SLC25A26: variants seen among roughly 807,000 people sequenced by gnomAD.
The protein encoded by SLC25A26 is mitochondrial S-adenosylmethionine carrier protein.
Under a neutral mutation model 37.8 loss-of-function variants are expected in SLC25A26, and 36 were observed. The ratio of observed to expected loss-of-function variants is 0.95; its 90% confidence interval spans 0.73 to 1.26. The LOEUF is 1.26. Ranked by LOEUF, SLC25A26 falls within the 50% of genes most tolerant of loss-of-function variation. The pLI is 0.00. For synonymous variants in SLC25A26, 129 were observed against 122.5 expected (o/e 1.05, Z -0.35); for missense variants, 390 against 331.1 (o/e 1.18, Z -1.38).
intron 7 of SLC25A26, among the ~76,000 whole-genome samples, chr3:66,367,076 G>T (rs1161069440): frequency 6.6e-6 from 1 of 152,308 alleles, no homozygotes; most frequent in Non-Finnish European, 1.5e-5. Context: ...CCAGGGTACC[G>T]ATTAAGCGTT....
At chr3:66,243,555 C>T (rs2072686851) in intron 3 of SLC25A26, among the ~76,000 whole-genome samples, 1 of 152,036 alleles carries the variant, frequency 6.6e-6, no homozygotes, top group Non-Finnish European at 1.5e-5. Context: ...AGATGTAAAA[C>T]ATAATTATAT....
intron 1 of SLC25A26, among the ~76,000 whole-genome samples, chr3:66,172,410 G>GAAAAAAAAAAAAAAAAAAAAAAAAAAA (rs1199322248): frequency 2.7e-5 from 2 of 75,212 alleles, no homozygotes; most frequent in African/African-American, 9.9e-5. Context: ...TACCTGTAAA[G>GAAAAAAAAAAAAAAAAAAAAAAAAAAA]AAAAAAAAAA....
At chr3:66,277,411 G>C (rs1163180369) in intron 5 of SLC25A26, among the ~76,000 whole-genome samples, 1 of 152,064 alleles carries the variant, frequency 6.6e-6, no homozygotes, top group Non-Finnish European at 1.5e-5. Flanking sequence ...GCAGAGAGTA[G>C]AACCATGGTT....
At chr3:66,282,302 C>T (rs959577352) in intron 5 of SLC25A26, among the ~76,000 whole-genome samples, 15 of 152,212 alleles carry the variant, frequency 9.9e-5, no homozygotes, top group Middle Eastern at 3.4e-3. Context: ...TGAGCCACCG[C>T]GCCCGGCCTG....
At chr3:66,232,315 T>C (rs1007433181) in intron 1 of SLC25A26, among the ~76,000 whole-genome samples, 8 of 152,218 alleles carry the variant, frequency 5.3e-5, no homozygotes, top group African/African-American at 1.9e-4. Flanking sequence ...TTTATATTTT[T>C]CTTTTGGGAA....
chr3:66,179,345 C>T (rs886246525), intron 1 of SLC25A26, among the ~76,000 whole-genome samples: 1 of 152,166 alleles, frequency 6.6e-6, no homozygotes, highest in Non-Finnish European at 1.5e-5. Context: ...TGAAATGCAA[C>T]TATGCGTTAG....
chr3:66,356,652 A>G (rs895344628), intron 6 of SLC25A26, among the ~76,000 whole-genome samples: 1 of 152,114 alleles, frequency 6.6e-6, no homozygotes, highest in Non-Finnish European at 1.5e-5. Flanking sequence ...TTTTTGAGAT[A>G]GGGTCTTGCT....
chr3:66,223,191 C>T lies in SLC25A26; in HGVS notation c.33+2064C>T, dbSNP rs1472560498. On this transcript the variant is annotated intron_variant, in intron 1 of 9. Transcript: ENST00000354883. ...AGAGTAGGCAAATATTGGTGAACCT[C>T]TTAGATGGAGTGACCAAGGAAAGCC... Among the ~76,000 whole-genome samples, 3 of 152,186 alleles carry T rather than the reference C, an allele frequency of 2.0e-5. No homozygotes were observed. In the East Asian group the frequency reaches 5.8e-4, roughly 29 times the overall value.
chr3:66,289,845 T>C (rs562184304), intron 5 of SLC25A26, among the ~76,000 whole-genome samples: 1 of 152,328 alleles, frequency 6.6e-6, no homozygotes, highest in Admixed American at 6.5e-5. Flanking sequence ...TTTTTTCTAA[T>C]TCTGTGAAGA....
chr3:66,146,309 C>T (rs1192183230), intron 1 of SLC25A26, among the ~76,000 whole-genome samples: 3 of 150,052 alleles, frequency 2.0e-5, no homozygotes, highest in Admixed American at 1.3e-4. Flanking sequence ...CACTGCACTC[C>T]AGCCTGGGTG....
intron 5 of SLC25A26, among the ~76,000 whole-genome samples, chr3:66,268,752 C>T (rs1478230152): frequency 6.6e-6 from 1 of 152,162 alleles, no homozygotes; most frequent in Non-Finnish European, 1.5e-5. Flanking sequence ...AGGGGAGGGA[C>T]CTGATGGGAG....
intron 5 of SLC25A26, among the ~76,000 whole-genome samples, chr3:66,337,776 A>G (rs974396379): frequency 2.0e-4 from 30 of 152,074 alleles, no homozygotes; most frequent in African/African-American, 6.5e-4. Context: ...AACAGAGTTT[A>G]TAATATAATG....
chr3:66,291,075 C>T (rs549891542), intron 5 of SLC25A26, among the ~76,000 whole-genome samples: 4 of 152,290 alleles, frequency 2.6e-5, no homozygotes, highest in South Asian at 2.1e-4. Context: ...TTATCCATTT[C>T]CTCTACATTT....
At chr3:66,223,468 A>G (rs1028258597) in intron 1 of SLC25A26, among the ~76,000 whole-genome samples, 20 of 152,208 alleles carry the variant, frequency 1.3e-4, no homozygotes, top group African/African-American at 4.6e-4. Context: ...AATGGAAGCC[A>G]TTGAAATGTT....
At chr3:66,247,153 C>T (rs181242514) in intron 3 of SLC25A26, among the ~76,000 whole-genome samples, 12 of 152,138 alleles carry the variant, frequency 7.9e-5, no homozygotes, top group Non-Finnish European at 1.0e-4. Flanking sequence ...TGTCAGCCAC[C>T]GCGCCAGGCC....
intron 1 of SLC25A26, among the ~76,000 whole-genome samples, chr3:66,149,009 C>T (rs995111997): frequency 6.6e-6 from 1 of 152,162 alleles, no homozygotes. Context: ...GGGGAACCTT[C>T]TCTCCCCAAC....
At chr3:66,339,744 A>G (rs533718250) in intron 5 of SLC25A26, among the ~76,000 whole-genome samples, 126 of 152,076 alleles carry the variant, frequency 8.3e-4, no homozygotes, top group African/African-American at 3.0e-3. Context: ...AATGCTTTAT[A>G]TATTCTGGAT....
chr3:66,291,474 G>T (rs2074705142), intron 5 of SLC25A26, among the ~76,000 whole-genome samples: 1 of 152,098 alleles, frequency 6.6e-6, no homozygotes, highest in African/African-American at 2.4e-5. Flanking sequence ...CACTGCTTTA[G>T]CTGTGTCCCA....
rs549655758 is a variant in SLC25A26, at chr3:66,180,397, C to A, written c.-353-40345C>A. 2.6e-5 allele frequency among the ~76,000 whole-genome samples: 4 copies of A among 152,308 alleles called. No homozygotes were observed. In the East Asian group the frequency reaches 7.7e-4, roughly 29 times the overall value. ...AGCCAATGCAGGGGCAGGGAACATG[C>A]CGCAGAGCAACGGAAGTGATTTCAA... On this transcript the variant is annotated intron_variant, in intron 1 of 10. Transcript: ENST00000676754.
Sources: allele counts gnomAD v4.1 joint callset (sites outside exome capture counted in the v4.1 genomes callset), GRCh38; gene constraint gnomAD v4.1.1; transcripts MANE v1.5; gene names NCBI Gene and HGNC (gene_info 2026-07-23, HGNC 2026-07-21).